PCDHGA1: variants seen among roughly 807,000 people sequenced by gnomAD.
The protein encoded by PCDHGA1 is protocadherin gamma subfamily A, 1.
A neutral mutation model predicts 58.0 loss-of-function variants in PCDHGA1; 32 were observed. The ratio of observed to expected loss-of-function variants is 0.55; its 90% confidence interval spans 0.42 to 0.74. PCDHGA1 has a LOEUF of 0.74. PCDHGA1 is among the 30% of genes least tolerant of loss of function. The pLI is 0.00. For synonymous variants in PCDHGA1, 498 were observed against 501.1 expected (o/e 0.99, Z 0.08); for missense variants, 1,205 against 1,182.3 (o/e 1.02, Z -0.28).
intron 1 of PCDHGA1, among the ~76,000 whole-genome samples, chr5:141,455,045 C>G (rs1008259013): frequency 6.6e-6 from 1 of 151,798 alleles, no homozygotes; most frequent in Non-Finnish European, 1.5e-5. Context: ...ATCTCCTGAC[C>G]TCGTGATCCG....
At chr5:141,505,777 TCTG>T (rs77860300) in intron 3 of PCDHGA1, among the ~76,000 whole-genome samples, 6,508 of 152,280 alleles carry the variant, frequency 0.043, 161 homozygotes, top group Middle Eastern at 0.13. Context: ...AGGTCCTAGC[TCTG>T]CTACTATCCT....
chr5:141,427,052 C>T (rs79280874), intron 1 of PCDHGA1: 9,800 of 457,514 alleles, frequency 0.021, 162 homozygotes, highest in Middle Eastern at 0.051. Flanking sequence ...TGCCCCCAGG[C>T]ACCTCTGTAC....
chr5:141,336,706 A>C (rs1756632696), intron 1 of PCDHGA1, among the ~76,000 whole-genome samples: 1 of 152,212 alleles, frequency 6.6e-6, no homozygotes, highest in Non-Finnish European at 1.5e-5. Flanking sequence ...ACAGGAGGAA[A>C]CCTTCATAAC....
intron 1 of PCDHGA1, chr5:141,375,428 C>A (rs749307933): frequency 2.5e-6 from 4 of 1,613,984 alleles, no homozygotes; most frequent in East Asian, 2.2e-5. Flanking sequence ...CAACGACAAC[C>A]CGCCCACCTT....
At chr5:141,419,318 G>A in intron 1 of PCDHGA1, 1 of 1,613,992 alleles carries the variant, frequency 6.2e-7, no homozygotes, top group Non-Finnish European at 8.5e-7. Flanking sequence ...CAACGGCCGT[G>A]TCTCCTACTC....
chr5:141,374,196 A>T, intron 1 of PCDHGA1: 1 of 1,613,838 alleles, frequency 6.2e-7, no homozygotes, highest in Non-Finnish European at 8.5e-7. Flanking sequence ...ATTCCCGAGG[A>T]GCTGGAGAAA....
Position 141,331,161 on chromosome 5 carries a change from C to A in PCDHGA1, c.477C>A (p.Asp159Glu), listed in dbSNP as rs1756343964. 3 of 1,614,124 alleles carry A rather than the reference C, an allele frequency of 1.9e-6. No individual in the cohort carries two copies. In the East Asian group the frequency reaches 6.7e-5, roughly 36 times the overall value. The part of the protein sequence containing the change: ...GTRVSLPFGQ[D>E]LDVGMNSLQS... ...GAGTCTCATTGCCTTTTGGGCAAGA[C>A]CTTGATGTGGGTATGAACTCACTCC... The change falls in exon 1 of 4, where the codon GAC becomes GAA. Residue 159 changes from aspartate to glutamate, a missense_variant. Physicochemically the swap from Asp to Glu is conservative, Grantham distance 45 (BLOSUM62 2). Coordinates refer to ENST00000517417, the MANE Select transcript of PCDHGA1 (RefSeq NM_018912.3).
chr5:141,340,786 T>C (rs780493371), intron 1 of PCDHGA1: 67 of 1,613,368 alleles, frequency 4.2e-5, no homozygotes, highest in East Asian at 2.2e-4. Context: ...CCTGGCTGTC[T>C]TACCACCTGC....
intron 1 of PCDHGA1, chr5:141,400,775 C>T (rs2094072666): frequency 5.4e-6 from 3 of 559,824 alleles, no homozygotes; most frequent in South Asian, 5.1e-5. Context: ...ACATTTGGTG[C>T]GTTTTTTTGT....
chr5:141,365,483 T>A (rs750405300), intron 1 of PCDHGA1: 2 of 1,614,018 alleles, frequency 1.2e-6, no homozygotes, highest in Non-Finnish European at 1.7e-6. Context: ...GATTGCATGC[T>A]CTATTCCTAG....
At chr5:141,488,866 G>A (rs957501628) in intron 1 of PCDHGA1, among the ~76,000 whole-genome samples, 1 of 152,148 alleles carries the variant, frequency 6.6e-6, no homozygotes, top group African/African-American at 2.4e-5. Flanking sequence ...GAAGTGAGTG[G>A]GGAGGTAGGA....
At chr5:141,419,686 G>A (rs551990092) in intron 1 of PCDHGA1, 2 of 1,612,760 alleles carry the variant, frequency 1.2e-6, no homozygotes, top group Non-Finnish European at 1.7e-6. Flanking sequence ...ACCACGTGGT[G>A]CAGGCCAGTG....
rs373096276 is a variant in PCDHGA1, at chr5:141,346,200, C to T, written c.2421+13095C>T. The T allele has an allele frequency of 8.7e-6, 14 of 1,614,108 alleles. No individual in the cohort carries two copies. Among genetic ancestry groups the T allele is most frequent in the Non-Finnish European group, 1.2e-5 (14 of 1,180,004 alleles). On this transcript the variant is annotated intron_variant, in intron 1 of 3. Coordinates refer to ENST00000517417, the MANE Select transcript of PCDHGA1 (RefSeq NM_018912.3). ...CAGGCTGCGGCGCTGGCACAAGTCA[C>T]GCCTGCTGCAGGCTTCGGGAGGCGG...
In PCDHGA1 at chr5:141,332,748, C is replaced by T; in HGVS notation, c.2064C>T (p.Asp688=). The T allele has an allele frequency of 1.2e-6, 2 of 1,614,094 alleles. No individual in the cohort carries two copies. Among genetic ancestry groups the T allele is most frequent in the Non-Finnish European group, 1.7e-6 (2 of 1,179,992 alleles). ...CCTCCGCCAAACCCAACGATTCGGA[C>T]CTCACTCTGTACCTGGTGGTGGCGG... The part of the protein sequence containing the change: ...LEPSAKPNDS[D]LTLYLVVAAA... The change falls in exon 1 of 4, where the codon GAC becomes GAT. Residue 688 remains aspartate (D), a synonymous_variant. Coordinates refer to ENST00000517417, the MANE Select transcript of PCDHGA1 (RefSeq NM_018912.3). This position sits in a 1 kb window ranked among gnomAD's most constrained non-coding sequence, Gnocchi z 4.6.
At chr5:141,399,652 G>A in intron 1 of PCDHGA1, 1 of 1,613,758 alleles carries the variant, frequency 6.2e-7, no homozygotes, top group Non-Finnish European at 8.5e-7. Flanking sequence ...GCAAAGTGGG[G>A]TGGTGTTCGC....
intron 1 of PCDHGA1, chr5:141,340,228 C>A (rs779808377): frequency 6.2e-7 from 1 of 1,614,190 alleles, no homozygotes; most frequent in South Asian, 1.1e-5. Flanking sequence ...CCTTTTACAA[C>A]ATCACTCTAA....
intron 1 of PCDHGA1, chr5:141,389,933 G>T: frequency 1.9e-6 from 3 of 1,614,068 alleles, no homozygotes; most frequent in Non-Finnish European, 2.5e-6. Context: ...CTGACCTCCA[G>T]GCTGAGCTGC....
intron 1 of PCDHGA1, chr5:141,343,005 T>G (rs1330853161): frequency 6.6e-6 from 1 of 152,518 alleles, no homozygotes; most frequent in Non-Finnish European, 1.5e-5. Flanking sequence ...ACTCCTCTCA[T>G]GTTTCCTGGG....
chr5:141,361,239 G>C (rs555666915), intron 1 of PCDHGA1: 8 of 1,613,958 alleles, frequency 5.0e-6, no homozygotes, highest in Non-Finnish European at 5.1e-6. Flanking sequence ...TGATCGCCTT[G>C]ATAAAAACGA....
Sources: allele counts gnomAD v4.1 joint callset (sites outside exome capture counted in the v4.1 genomes callset), GRCh38; gene constraint gnomAD v4.1.1; non-coding constraint Gnocchi (gnomAD v3.1); transcripts MANE v1.5; gene names NCBI Gene and HGNC (gene_info 2026-07-23, HGNC 2026-07-21).